The following CSMD1 variants were observed in gnomAD, a reference collection of about 807,000 sequenced individuals.
The protein encoded by CSMD1 is CUB and sushi domain-containing protein 1.
A neutral mutation model predicts 417.5 loss-of-function variants in CSMD1; 213 were observed. That is an observed-to-expected ratio of 0.51 (90% CI 0.46 to 0.57). CSMD1 has a LOEUF of 0.57. Ranked by LOEUF, CSMD1 falls within the 20% of genes least tolerant of loss-of-function variation. CSMD1 has a pLI of 0.00. For synonymous variants in CSMD1, 2,862 were observed against 1,736.8 expected, an observed-to-expected ratio of 1.65 and a Z score of -16.11; for missense variants, 6,923 against 4,529.7, an observed-to-expected ratio of 1.53 and a Z score of -15.17.
chr8:4,690,967 T>A (rs993283737), intron 1 of CSMD1, among the ~76,000 whole-genome samples: 41 of 152,326 alleles, frequency 2.7e-4, no homozygotes, highest in African/African-American at 9.6e-4. Flanking sequence ...GAGCTCATGA[T>A]CTGCCTGCCG....
At chr8:4,073,915 TAATCTA>T (rs1799689363) in intron 3 of CSMD1, among the ~76,000 whole-genome samples, 1 of 151,044 alleles carries the variant, frequency 6.6e-6, no homozygotes, top group Non-Finnish European at 1.5e-5. Flanking sequence ...CAAGTAGTCT[TAATCTA>T]TACAGACGGT....
At chr8:4,701,703 T>C (rs1807564801) in intron 1 of CSMD1, among the ~76,000 whole-genome samples, 1 of 151,532 alleles carries the variant, frequency 6.6e-6, no homozygotes, top group Non-Finnish European at 1.5e-5. Context: ...AAAAGTAGAG[T>C]GGTGACAAAT....
At chr8:4,080,697 G>A (rs1212473017) in intron 3 of CSMD1, among the ~76,000 whole-genome samples, 2 of 152,148 alleles carry the variant, frequency 1.3e-5, no homozygotes, top group African/African-American at 2.4e-5. Context: ...TTTCTTCAGT[G>A]AAGACTATTC....
intron 1 of CSMD1, among the ~76,000 whole-genome samples, chr8:4,692,184 C>G (rs188267223): frequency 8.6e-4 from 131 of 152,252 alleles, no homozygotes; most frequent in African/African-American, 3.0e-3. Context: ...AGCCCCTGGC[C>G]TGACCTCACA....
chr8:3,073,585 C>T (rs1038798125), intron 49 of CSMD1, among the ~76,000 whole-genome samples: 8 of 152,166 alleles, frequency 5.3e-5, no homozygotes, highest in South Asian at 2.1e-4. Context: ...TCAATTTTAA[C>T]AGAAAATAGA....
intron 7 of CSMD1, among the ~76,000 whole-genome samples, chr8:3,655,836 G>C (rs973243818): frequency 9.2e-5 from 14 of 152,128 alleles, no homozygotes; most frequent in African/African-American, 3.4e-4. Flanking sequence ...CTGATGCAAA[G>C]ACTAGTTGAC....
At chr8:4,178,913 C>T (rs1216821376) in intron 3 of CSMD1, among the ~76,000 whole-genome samples, 2 of 152,074 alleles carry the variant, frequency 1.3e-5, no homozygotes, top group Non-Finnish European at 2.9e-5. Flanking sequence ...AACCACTGCT[C>T]AATGAAATAA....
chr8:3,057,271 T>G (rs1369101794), intron 49 of CSMD1, among the ~76,000 whole-genome samples: 2 of 152,208 alleles, frequency 1.3e-5, no homozygotes, highest in Non-Finnish European at 2.9e-5. Flanking sequence ...TTCCTCAATT[T>G]GAATTGTGTA....
chr8:4,549,910 A>AG (rs944832642), intron 2 of CSMD1, among the ~76,000 whole-genome samples: 2 of 150,900 alleles, frequency 1.3e-5, no homozygotes, highest in Non-Finnish European at 3.0e-5. Flanking sequence ...AAAAAAAAAA[A>AG]AAAAAAAAAA....
In CSMD1 at chr8:3,118,602, C is replaced by T; in HGVS notation, c.6242-15G>A. 6.2e-7 allele frequency: 1 copy of T among 1,607,760 alleles called. No individual in the cohort carries two copies. Among genetic ancestry groups the T allele is most frequent in the Non-Finnish European group, 8.5e-7 (1 of 1,176,998 alleles). On this transcript the variant is annotated splice_polypyrimidine_tract_variant and intron_variant, in intron 41 of 69. Transcript: ENST00000635120. ...TAATTCATAGGCTGAAAGAAACAAACAGACAAAATAAAGCTTATATTTGTG... is the reference window on the plus strand; with the variant it reads ...TAATTCATAGGCTGAAAGAAACAAATAGACAAAATAAAGCTTATATTTGTG...
intron 2 of CSMD1, among the ~76,000 whole-genome samples, chr8:4,471,362 T>C (rs1036945386): frequency 1.3e-5 from 2 of 152,154 alleles, no homozygotes; most frequent in African/African-American, 4.8e-5. Context: ...TAGAAGACAT[T>C]GGGTTAGACT....
At chr8:3,078,911 C>G (rs1268981847) in intron 49 of CSMD1, among the ~76,000 whole-genome samples, 2 of 152,144 alleles carry the variant, frequency 1.3e-5, no homozygotes, top group Admixed American at 6.5e-5. Context: ...GGCTCCTGTT[C>G]TTAGCTGGCA....
At chr8:3,790,252 A>C (rs566540446) in intron 5 of CSMD1, among the ~76,000 whole-genome samples, 61 of 152,304 alleles carry the variant, frequency 4.0e-4, no homozygotes, top group African/African-American at 1.5e-3. Flanking sequence ...GTGCATTATC[A>C]ATCAAACTGA....
chr8:4,095,162 T>A (rs1235138126), intron 3 of CSMD1, among the ~76,000 whole-genome samples: 2 of 152,156 alleles, frequency 1.3e-5, no homozygotes, highest in African/African-American at 4.8e-5. Flanking sequence ...GCTGAGAAGT[T>A]GTTGGGGACG....
At chr8:3,762,549 G>A (rs1255931787) in intron 5 of CSMD1, among the ~76,000 whole-genome samples, 1 of 152,248 alleles carries the variant, frequency 6.6e-6, no homozygotes, top group Non-Finnish European at 1.5e-5. Flanking sequence ...CTGTAGCACA[G>A]GCGTGTAACT....
chr8:4,806,517 G>T (rs949981328), intron 1 of CSMD1, among the ~76,000 whole-genome samples: 2 of 152,104 alleles, frequency 1.3e-5, no homozygotes, highest in Non-Finnish European at 2.9e-5. Flanking sequence ...CTTTCCTCTG[G>T]AGCTCTTTTC....
At chr8:4,791,933 A>T (rs1418927502) in intron 1 of CSMD1, among the ~76,000 whole-genome samples, 2 of 148,746 alleles carry the variant, frequency 1.3e-5, no homozygotes, top group African/African-American at 5.1e-5. Flanking sequence ...TAGTTTCTTT[A>T]TGTTAGTTTT....
chr8:3,284,552 C>G (rs1054430667), intron 25 of CSMD1: 2 of 569,574 alleles, frequency 3.5e-6, no homozygotes, highest in South Asian at 2.0e-5. Flanking sequence ...CACACAGGAC[C>G]TCAGTCTGTC....
At chr8:4,693,752 C>G (rs1268577074) in intron 1 of CSMD1, among the ~76,000 whole-genome samples, 2 of 22,618 alleles carry the variant, frequency 8.8e-5, no homozygotes, top group Admixed American at 5.9e-4. Flanking sequence ...TCATAGCTCA[C>G]TACAGCCCCA....
Sources: gnomAD v4.1 joint callset for allele counts (sites outside exome capture counted in the v4.1 genomes callset) on GRCh38, gnomAD v4.1.1 for gene constraint, MANE v1.5 for transcripts, NCBI Gene and HGNC (gene_info 2026-07-23, HGNC 2026-07-21) for gene names.